Variants in ADAM12 observed in about 807,000 individuals in gnomAD.
The protein encoded by ADAM12 is ADAM metallopeptidase domain 12.
Under a neutral mutation model 106.4 loss-of-function variants are expected in ADAM12, and 70 were observed. That is an observed-to-expected ratio of 0.66 (90% CI 0.54 to 0.80). The LOEUF (loss-of-function observed/expected upper bound fraction) is 0.80, where lower values mean the gene tolerates loss of function less well. ADAM12 is among the 30% of genes least tolerant of loss of function. The pLI is 0.00. For synonymous variants in ADAM12, 420 were observed against 433.5 expected, an observed-to-expected ratio of 0.97 and a Z score of 0.39; for missense variants, 1,010 against 1,171.9, an observed-to-expected ratio of 0.86 and a Z score of 2.02.
Position 126,064,528 on chromosome 10 carries a change from C to A in ADAM12, c.1609+278G>T, listed in dbSNP as rs1365516921. ...ACAGGTGCTCCTGCATCTTCTGTAT[C>A]CCCCGGGGCGCACAGTAGGTGCTCC... On this transcript the variant is annotated intron_variant, in intron 14 of 22. Coordinates refer to ENST00000448723, the MANE Select transcript of ADAM12 (RefSeq NM_001288973.2). This position sits in a 1 kb window ranked among gnomAD's most constrained non-coding sequence, Gnocchi z 4.4. Among the ~76,000 whole-genome samples, 1 of 152,236 alleles carries A rather than the reference C, an allele frequency of 6.6e-6. No homozygotes were observed. Among genetic ancestry groups the A allele is most frequent in the South Asian group, 2.1e-4 (1 of 4,814 alleles).
intron 3 of ADAM12, among the ~76,000 whole-genome samples, chr10:126,232,159 T>C (rs371871456): frequency 6.6e-6 from 1 of 152,008 alleles, no homozygotes; most frequent in South Asian, 2.1e-4. Context: ...TGTGATTACA[T>C]GAAGGAGCTG....
At position 126,325,856 on chromosome 10, in the gene ADAM12, T is replaced by A. The variant is rs142737746; in HGVS notation, c.186+4556A>T. ...AGCGTATTTTACAGCCATCGTTTCA[T>A]CTCATTCTCACAATGACCCTTAGAG... On this transcript the variant is annotated intron_variant, in intron 2 of 22. Transcript: ENST00000448723. Among the ~76,000 whole-genome samples, 32 of 152,298 alleles carry A rather than the reference T, an allele frequency of 2.1e-4. No individual in the cohort carries two copies. The East Asian group carries it at 6.2e-3, about 29-fold the overall frequency.
chr10:126,243,082 G>A lies in ADAM12; in HGVS notation c.260+35833C>T, dbSNP rs187618870. On this transcript the variant is annotated intron_variant, in intron 3 of 22. Transcript: ENST00000448723. ...CTCTAGACACATTCACCCTGTCAGC[G>A]CGTGCAGAGCAGCTGTGATGGCTGC... 8.9e-4 allele frequency among the ~76,000 whole-genome samples: 135 copies of A among 152,268 alleles called. 3 individuals are homozygous for A. Among genetic ancestry groups the A allele is most frequent in the Admixed American group, 3.3e-3 (51 of 15,294 alleles).
intron 3 of ADAM12, among the ~76,000 whole-genome samples, chr10:126,226,424 G>C (rs903876329): frequency 1.1e-4 from 17 of 152,186 alleles, no homozygotes; most frequent in Admixed American, 7.8e-4. Flanking sequence ...CGTTGGCAAG[G>C]GGTGTGAAGG....
intron 3 of ADAM12, among the ~76,000 whole-genome samples, chr10:126,173,804 G>A (rs1008474093): frequency 2.6e-5 from 4 of 152,084 alleles, no homozygotes; most frequent in East Asian, 1.9e-4. Context: ...TTCTCAGGCC[G>A]GTCTGGGACC....
In ADAM12 at chr10:126,206,864, G is replaced by GGC. The variant is rs1565138294; in HGVS notation, c.261-51560_261-51559insGC. ...AATTCCCATGTGTTGTGGGGGCGGG[G>GGC]GGGAGCCAGTGGGAGGTAATTGAAT... On this transcript the variant is annotated intron_variant, in intron 3 of 22. Coordinates refer to ENST00000448723, the MANE Select transcript of ADAM12 (RefSeq NM_001288973.2). Among the ~76,000 whole-genome samples, 16 of 146,394 alleles carry GGC rather than the reference G, an allele frequency of 1.1e-4. 3 individuals carry two copies. In the South Asian group the frequency reaches 1.7e-3, roughly 15 times the overall value.
rs1953632728 is a variant in ADAM12, at chr10:126,014,801, C to A, written c.*2478G>T. On this transcript the variant is annotated 3_prime_UTR_variant, in exon 23 of 23. Transcript: ENST00000448723. ...AGGTGATGGCCCTACAAAACTCAAACCACCTCTATTATTCATGCCTATACA... is the reference window on the plus strand; with the variant it reads ...AGGTGATGGCCCTACAAAACTCAAAACACCTCTATTATTCATGCCTATACA... 2 of 151,676 alleles carry A rather than the reference C, an allele frequency of 1.3e-5. No homozygotes were observed. The highest frequency in any genetic ancestry group is 6.6e-5 in the Admixed American group (1 of 15,240). 9.4% of individuals were successfully genotyped at this position (151,676 alleles called of 1,614,324 possible). A position where few individuals can be genotyped will look rare whatever the true frequency, so the allele number is the denominator to read the frequency against.
Position 126,086,665 on chromosome 10 carries a change from AAAAAAAAAAAAAAAAATATATAT to A in ADAM12, c.1145+7297_1145+7319del, listed in dbSNP as rs199526181. Among the ~76,000 whole-genome samples the A allele has an allele frequency of 5.9e-3, 339 of 57,614 alleles. 27 individuals are homozygous for A. Among genetic ancestry groups the A allele is most frequent in the East Asian group, 0.023 (27 of 1,160 alleles). The allele number at this position is 57,614 out of a possible 152,430, so 37.8% of individuals were successfully genotyped here. On this transcript the variant is annotated intron_variant, in intron 11 of 22. Coordinates refer to ENST00000448723, the MANE Select transcript of ADAM12 (RefSeq NM_001288973.2). ...GGACTCTGCCTCAAAAAAAAAAAAA[AAAAAAAAAAAAAAAAATATATAT>A]ATATATATATATATATATAAAATAA...
chr10:126,141,788 T>A (rs140817679), intron 4 of ADAM12, among the ~76,000 whole-genome samples: 84 of 152,280 alleles, frequency 5.5e-4, no homozygotes, highest in South Asian at 4.4e-3. Context: ...TTAGGGAGTA[T>A]ACCAAATGAA....
At chr10:126,062,402 G>A (rs1345401249) in intron 14 of ADAM12, among the ~76,000 whole-genome samples, 3 of 152,102 alleles carry the variant, frequency 2.0e-5, no homozygotes, top group Non-Finnish European at 4.4e-5. Context: ...GGAAGAGGAC[G>A]TGGCTACCTG....
chr10:126,381,540 G>T (rs1590847608), intron 1 of ADAM12, among the ~76,000 whole-genome samples: 1 of 152,096 alleles, frequency 6.6e-6, no homozygotes, highest in Non-Finnish European at 1.5e-5. Flanking sequence ...CTGTCACCCA[G>T]GCTGGAGTAC....
At chr10:126,177,664 A>T (rs181466201) in intron 3 of ADAM12, among the ~76,000 whole-genome samples, 1 of 152,358 alleles carries the variant, frequency 6.6e-6, no homozygotes, top group Admixed American at 6.5e-5. Context: ...AGAATGTGGG[A>T]AGAAAGCCCA....
At chr10:126,157,202 T>G (rs1235613738) in intron 3 of ADAM12, among the ~76,000 whole-genome samples, 1 of 152,192 alleles carries the variant, frequency 6.6e-6, no homozygotes, top group African/African-American at 2.4e-5. Flanking sequence ...GGTCCCTTAC[T>G]TCAGGAGAAA....
intron 5 of ADAM12, among the ~76,000 whole-genome samples, chr10:126,127,554 T>A (rs1956226083): frequency 2.6e-5 from 4 of 152,114 alleles, no homozygotes; most frequent in Admixed American, 2.6e-4. Context: ...GACAGGAAGG[T>A]GAAGGCAAGG....
intron 3 of ADAM12, among the ~76,000 whole-genome samples, chr10:126,263,369 T>G (rs1959037913): frequency 6.6e-6 from 1 of 152,194 alleles, no homozygotes; most frequent in African/African-American, 2.4e-5. Flanking sequence ...GAGAGGTTAC[T>G]TAATTTGCCT....
chr10:126,044,633 C>T (rs775686558), intron 17 of ADAM12, among the ~76,000 whole-genome samples: 57 of 152,186 alleles, frequency 3.7e-4, no homozygotes, highest in Non-Finnish European at 4.1e-4. Context: ...AAATAAAATG[C>T]GTAGAGTATA....
Position 126,174,008 on chromosome 10 carries a change from A to ATTTTTTTTTTTTTT in ADAM12, c.261-18717_261-18704dup, listed in dbSNP as rs200354475. Among the ~76,000 whole-genome samples, 7 of 90,468 alleles carry ATTTTTTTTTTTTTT rather than the reference A, an allele frequency of 7.7e-5. 2 individuals carry two copies. The highest frequency in any genetic ancestry group is 3.7e-4 in the African/African-American group (7 of 18,684). 59.4% of individuals were successfully genotyped at this position (90,468 alleles called of 152,430 possible). A position where few individuals can be genotyped will look rare whatever the true frequency, so the allele number is the denominator to read the frequency against. On this transcript the variant is annotated intron_variant, in intron 3 of 22. Transcript: ENST00000448723. ...TTTTATCCAGATTCATCTGTTGTTGATTTTTTTTTTTTTTTTTTTTTTTTT... is the reference window on the plus strand; with the variant it reads ...TTTTATCCAGATTCATCTGTTGTTGATTTTTTTTTTTTTTTTTTTTTTTTTTTTTTTTTTTTTTT...
chr10:126,089,932 C>T (rs1292187558), intron 11 of ADAM12, among the ~76,000 whole-genome samples: 1 of 152,102 alleles, frequency 6.6e-6, no homozygotes, highest in African/African-American at 2.4e-5. Flanking sequence ...GCACTCCTTC[C>T]AACCTGCAAT....
chr10:126,337,756 G>GA (rs1554870341), intron 1 of ADAM12, among the ~76,000 whole-genome samples: 12 of 151,904 alleles, frequency 7.9e-5, no homozygotes, highest in African/African-American at 2.9e-4. Flanking sequence ...GGTTTAGGTT[G>GA]TTTTTTTTGT....
Sources: gnomAD v4.1 joint callset for allele counts (sites outside exome capture counted in the v4.1 genomes callset) on GRCh38, gnomAD v4.1.1 for gene constraint, Gnocchi (gnomAD v3.1) non-coding constraint, MANE v1.5 for transcripts, NCBI Gene and HGNC (gene_info 2026-07-23, HGNC 2026-07-21) for gene names.